NAALADL2: variants seen among roughly 807,000 people sequenced by gnomAD.
NAALADL2 encodes the protein inactive N-acetylated-alpha-linked acidic dipeptidase-like protein 2.
A neutral mutation model predicts 87.2 loss-of-function variants in NAALADL2; 76 were observed. The ratio of observed to expected loss-of-function variants is 0.87; its 90% CI spans 0.72 to 1.05. The LOEUF (loss-of-function observed/expected upper bound fraction) is 1.05. Ranked by LOEUF, NAALADL2 falls within the 50% of genes least tolerant of loss-of-function variation. The pLI, the probability that NAALADL2 is intolerant of heterozygous loss-of-function variation, is 0.00. For missense variants in NAALADL2, 1,089 were observed against 945.8 expected (o/e 1.15, Z -1.99); for synonymous variants, 354 against 331.0 (o/e 1.07, Z -0.75).
intron 11 of NAALADL2, among the ~76,000 whole-genome samples, chr3:175,668,628 C>T (rs1444395293): frequency 1.3e-5 from 2 of 152,058 alleles, no homozygotes; most frequent in South Asian, 2.1e-4. Flanking sequence ...ATGTCCAAAT[C>T]TTAATGATTT....
chr3:175,442,075 G>A (rs1354405742), intron 5 of NAALADL2, among the ~76,000 whole-genome samples: 2 of 152,062 alleles, frequency 1.3e-5, no homozygotes, highest in African/African-American at 2.4e-5. Flanking sequence ...CTCCTGAGTA[G>A]CTGGGACTAC....
chr3:175,210,574 G>T (rs73881447), intron 2 of NAALADL2, among the ~76,000 whole-genome samples: 1 of 151,534 alleles, frequency 6.6e-6, no homozygotes, highest in South Asian at 2.1e-4. Context: ...TACATATATT[G>T]TTAATGTGGA....
intron 1 of NAALADL2, among the ~76,000 whole-genome samples, chr3:174,544,720 G>A (rs547401805): frequency 8.7e-4 from 132 of 151,160 alleles, no homozygotes; most frequent in African/African-American, 3.0e-3. Flanking sequence ...ACAGGCACGC[G>A]TCACCACACC....
intron 2 of NAALADL2, among the ~76,000 whole-genome samples, chr3:174,625,109 A>AGG (rs1207359449): frequency 7.8e-6 from 1 of 128,578 alleles, no homozygotes; most frequent in Admixed American, 9.8e-5. Flanking sequence ...CCTGGGCTAG[A>AGG]GGGCAGTGGT....
At chr3:175,508,582 C>T (rs755434800) in intron 9 of NAALADL2, among the ~76,000 whole-genome samples, 11 of 152,128 alleles carry the variant, frequency 7.2e-5, no homozygotes, top group South Asian at 2.1e-4. Context: ...CTTCATAGTT[C>T]TCAACGTAAT....
intron 4 of NAALADL2, among the ~76,000 whole-genome samples, chr3:175,259,936 G>A (rs927411963): frequency 6.6e-6 from 1 of 151,946 alleles, no homozygotes; most frequent in African/African-American, 2.4e-5. Flanking sequence ...ACTGAGGCAC[G>A]AGCATCGCTT....
At chr3:175,787,980 C>T (rs914590363) in intron 13 of NAALADL2, among the ~76,000 whole-genome samples, 1 of 151,874 alleles carries the variant, frequency 6.6e-6, no homozygotes, top group Non-Finnish European at 1.5e-5. Context: ...TAGTAATGTC[C>T]TAGGGCTTCA....
intron 5 of NAALADL2, among the ~76,000 whole-genome samples, chr3:175,325,414 A>G (rs1037006273): frequency 1.3e-5 from 2 of 152,192 alleles, no homozygotes; most frequent in African/African-American, 4.8e-5. Flanking sequence ...GTACAGTCCC[A>G]TGTCTTATCG....
intron 2 of NAALADL2, among the ~76,000 whole-genome samples, chr3:175,125,215 A>G (rs773641038): frequency 1.3e-5 from 2 of 152,050 alleles, no homozygotes; most frequent in Non-Finnish European, 2.9e-5. Context: ...TTTAATTTCA[A>G]TTAAACTACC....
intron 5 of NAALADL2, among the ~76,000 whole-genome samples, chr3:175,332,743 G>A (rs1761543783): frequency 6.6e-6 from 1 of 152,170 alleles, no homozygotes. Context: ...TGTCTGTTAG[G>A]TCGGCTTGTT....
At chr3:174,693,218 A>T (rs993359078) in intron 2 of NAALADL2, among the ~76,000 whole-genome samples, 1 of 152,222 alleles carries the variant, frequency 6.6e-6, no homozygotes, top group African/African-American at 2.4e-5. Context: ...ACTGAATGCT[A>T]AAGTCCATGC....
chr3:174,916,383 A>G (rs554177128), intron 1 of NAALADL2, among the ~76,000 whole-genome samples: 121 of 152,250 alleles, frequency 7.9e-4, no homozygotes, highest in Middle Eastern at 3.4e-3. Flanking sequence ...CCAAAGGAAA[A>G]TAAGTCACTA....
At chr3:174,636,421 A>C (rs1371043613) in intron 2 of NAALADL2, among the ~76,000 whole-genome samples, 1 of 152,162 alleles carries the variant, frequency 6.6e-6, no homozygotes, top group African/African-American at 2.4e-5. Flanking sequence ...AGTGGGAGAA[A>C]ATATCCCAAA....
intron 1 of NAALADL2, among the ~76,000 whole-genome samples, chr3:175,023,798 A>G (rs1751875059): frequency 1.3e-5 from 2 of 152,056 alleles, no homozygotes; most frequent in South Asian, 4.1e-4. Flanking sequence ...TTACAGCTTT[A>G]CTGAGGAACA....
intron 3 of NAALADL2, among the ~76,000 whole-genome samples, chr3:174,821,747 A>T (rs577848522): frequency 1.6e-3 from 248 of 152,312 alleles, no homozygotes; most frequent in African/African-American, 5.7e-3. Context: ...GGAGCCAATT[A>T]TCTGGAAGGA....
At chr3:175,563,923 A>G (rs1716690709) in intron 9 of NAALADL2, among the ~76,000 whole-genome samples, 1 of 152,148 alleles carries the variant, frequency 6.6e-6, no homozygotes, top group Non-Finnish European at 1.5e-5. Context: ...CACTCCAGCA[A>G]AGCTATCCTG....
chr3:174,562,418 G>T (rs2108514317), intron 2 of NAALADL2, among the ~76,000 whole-genome samples: 1 of 152,218 alleles, frequency 6.6e-6, no homozygotes, highest in Non-Finnish European at 1.5e-5. Context: ...ATTTAAAACA[G>T]AGGGGATAGA....
chr3:175,756,013 T>C (rs1487252822), intron 13 of NAALADL2, among the ~76,000 whole-genome samples: 1 of 152,148 alleles, frequency 6.6e-6, no homozygotes, highest in Non-Finnish European at 1.5e-5. Context: ...GGTTTTGTTT[T>C]TGAAGTTCCT....
chr3:175,788,299 C>T (rs1752357063), intron 13 of NAALADL2, among the ~76,000 whole-genome samples: 1 of 151,812 alleles, frequency 6.6e-6, no homozygotes, highest in Non-Finnish European at 1.5e-5. Context: ...GTCATGTTGC[C>T]CAGGCTGGTC....
Sources: allele counts gnomAD v4.1 joint callset (sites outside exome capture counted in the v4.1 genomes callset), GRCh38; gene constraint gnomAD v4.1.1; transcripts MANE v1.5; gene names NCBI Gene and HGNC (gene_info 2026-07-23, HGNC 2026-07-21).